PRKCE: variants seen among roughly 807,000 people sequenced by gnomAD.
PRKCE encodes protein kinase C epsilon.
A neutral mutation model predicts 85.4 loss-of-function variants in PRKCE; 16 were observed. The observed-to-expected ratio is 0.19, with a 90% CI of 0.13 to 0.28. The LOEUF (loss-of-function observed/expected upper bound fraction) is 0.28. PRKCE is among the 10% of genes least tolerant of loss of function. The pLI is 1.00. For missense variants in PRKCE, 573 were observed against 975.2 expected (o/e 0.59, Z 5.49); for synonymous variants, 388 against 371.5 (o/e 1.04, Z -0.51).
intron 11 of PRKCE, among the ~76,000 whole-genome samples, chr2:46,127,632 G>T (rs1240269399): frequency 6.6e-6 from 1 of 152,240 alleles, no homozygotes; most frequent in East Asian, 1.9e-4. Flanking sequence ...TGGATCTTGA[G>T]ATAGTTCTGA....
At chr2:45,817,538 A>C (rs1054691998) in intron 1 of PRKCE, among the ~76,000 whole-genome samples, 2 of 19,080 alleles carry the variant, frequency 1.0e-4, no homozygotes, top group African/African-American at 3.0e-4. Context: ...ATAAAAATAC[A>C]AAAAAATCAG....
At position 45,942,815 on chromosome 2, in the gene PRKCE, G is replaced by GTA. The variant is rs1349216293; in HGVS notation, c.413-33606_413-33605dup. 2.0e-5 allele frequency among the ~76,000 whole-genome samples: 3 copies of GTA among 152,156 alleles called. No individual in the cohort carries two copies. In the East Asian group the frequency reaches 5.8e-4, roughly 29 times the overall value. ...TTATAGTACACATGTAACTAAATGA[G>GTA]TATATATATCAAAATTTTCTGTAAA... On this transcript the variant is annotated intron_variant, in intron 2 of 14. Coordinates refer to ENST00000306156, the MANE Select transcript of PRKCE (RefSeq NM_005400.3).
chr2:45,666,189 C>G (rs1038103598), intron 1 of PRKCE, among the ~76,000 whole-genome samples: 13 of 152,140 alleles, frequency 8.5e-5, no homozygotes, highest in Non-Finnish European at 1.9e-4. Context: ...AAAGAATATC[C>G]CATTTAAGCT....
chr2:45,695,764 C>T (rs1032571475), intron 1 of PRKCE, among the ~76,000 whole-genome samples: 1 of 152,140 alleles, frequency 6.6e-6, no homozygotes, highest in Non-Finnish European at 1.5e-5. Flanking sequence ...GAGTGAGACT[C>T]CGTCTCAAAA....
chr2:45,978,382 T>A (rs1308238370), intron 3 of PRKCE: 2 of 152,718 alleles, frequency 1.3e-5, no homozygotes, highest in Non-Finnish European at 2.9e-5. Flanking sequence ...TGTGTGATAG[T>A]TCTGTGTCCA....
At chr2:45,673,357 T>G (rs1253681985) in intron 1 of PRKCE, among the ~76,000 whole-genome samples, 25 of 152,166 alleles carry the variant, frequency 1.6e-4, no homozygotes, top group Non-Finnish European at 2.9e-5. Flanking sequence ...AGCTAAACAT[T>G]TATTGCAGGA....
At chr2:46,064,483 G>A (rs1667440885) in intron 10 of PRKCE, among the ~76,000 whole-genome samples, 1 of 152,114 alleles carries the variant, frequency 6.6e-6, no homozygotes, top group Non-Finnish European at 1.5e-5. Context: ...GATATTAGAT[G>A]GTAATAGAAA....
At chr2:45,658,657 A>C (rs1202259794) in intron 1 of PRKCE, among the ~76,000 whole-genome samples, 2 of 152,346 alleles carry the variant, frequency 1.3e-5, no homozygotes, top group East Asian at 3.9e-4. Context: ...GGAACTATAA[A>C]GCTTGTAGCA....
chr2:46,136,689 G>A (rs111701516), intron 11 of PRKCE, among the ~76,000 whole-genome samples: 13 of 152,276 alleles, frequency 8.5e-5, no homozygotes, highest in Admixed American at 2.0e-4. Context: ...GGAAGCTGTC[G>A]CATGAATCCT....
intron 10 of PRKCE, among the ~76,000 whole-genome samples, chr2:46,011,315 T>C (rs1227143287): frequency 6.6e-6 from 1 of 152,258 alleles, no homozygotes; most frequent in Non-Finnish European, 1.5e-5. Flanking sequence ...GGTGACATCA[T>C]GGAGAGGTGA....
At chr2:46,033,395 C>T (rs1558984935) in intron 10 of PRKCE, among the ~76,000 whole-genome samples, 1 of 152,296 alleles carries the variant, frequency 6.6e-6, no homozygotes, top group Middle Eastern at 3.4e-3. Flanking sequence ...ATCTTGCTGT[C>T]TCAGTTGACT....
At chr2:46,173,261 A>C (rs1679099421) in intron 14 of PRKCE, among the ~76,000 whole-genome samples, 1 of 152,230 alleles carries the variant, frequency 6.6e-6, no homozygotes, top group Non-Finnish European at 1.5e-5. Context: ...AGCCACCGTC[A>C]TTCATTTACA....
chr2:45,696,026 G>A (rs1313122333), intron 1 of PRKCE, among the ~76,000 whole-genome samples: 3 of 151,864 alleles, frequency 2.0e-5, no homozygotes, highest in Admixed American at 2.0e-4. Flanking sequence ...TGCCATGCTG[G>A]TGTACTGCAC....
chr2:45,820,929 T>A (rs926980151), intron 1 of PRKCE, among the ~76,000 whole-genome samples: 8 of 151,736 alleles, frequency 5.3e-5, no homozygotes, highest in African/African-American at 1.7e-4. Context: ...TGCAATCTTA[T>A]GAGGTTCTAG....
At chr2:45,712,856 C>T (rs573237583) in intron 1 of PRKCE, among the ~76,000 whole-genome samples, 25 of 152,144 alleles carry the variant, frequency 1.6e-4, no homozygotes, top group Admixed American at 7.9e-4. Context: ...CCTTGGAGGG[C>T]GGGGACCATG....
chr2:45,958,415 A>G (rs1701124746), intron 2 of PRKCE, among the ~76,000 whole-genome samples: 1 of 150,854 alleles, frequency 6.6e-6, no homozygotes, highest in African/African-American at 2.4e-5. Context: ...AGGTTGAGGC[A>G]GGAGAATGGC....
intron 10 of PRKCE, among the ~76,000 whole-genome samples, chr2:46,035,595 T>C (rs1042132904): frequency 6.6e-6 from 1 of 152,236 alleles, no homozygotes; most frequent in African/African-American, 2.4e-5. Flanking sequence ...GGGAATAATA[T>C]TGTTGTTCGT....
intron 2 of PRKCE, among the ~76,000 whole-genome samples, chr2:45,943,493 T>G (rs1700029592): frequency 6.6e-6 from 1 of 152,278 alleles, no homozygotes; most frequent in Non-Finnish European, 1.5e-5. Context: ...ATCTTGCAGG[T>G]TAGTTGTAAT....
chr2:45,883,006 G>A (rs781222086), intron 2 of PRKCE, among the ~76,000 whole-genome samples: 9 of 152,244 alleles, frequency 5.9e-5, no homozygotes, highest in Non-Finnish European at 1.3e-4. Flanking sequence ...GAGTGGCGAC[G>A]GCCAGTCGCT....
Sources: gnomAD v4.1 joint callset for allele counts (sites outside exome capture counted in the v4.1 genomes callset) on GRCh38, gnomAD v4.1.1 for gene constraint, MANE v1.5 for transcripts, NCBI Gene and HGNC (gene_info 2026-07-23, HGNC 2026-07-21) for gene names.